The following BROX variants were observed in gnomAD, a reference collection of about 807,000 sequenced individuals.
BROX encodes the protein BRO1 domain and CAAX motif containing, also known as BRO1 domain-containing protein BROX.
BROX carries 53 observed loss-of-function variants against 61.0 expected under a neutral mutation model. That is an observed-to-expected ratio of 0.87 (90% CI 0.70 to 1.09). BROX has a LOEUF of 1.09. Among genes scored for constraint, BROX ranks in the 50% least tolerant of loss-of-function variants. BROX has a pLI of 0.00. For synonymous variants in BROX, 152 were observed against 160.2 expected, an observed-to-expected ratio of 0.95 and a Z score of 0.38; for missense variants, 489 against 472.0, an observed-to-expected ratio of 1.04 and a Z score of -0.33.
At position 222,718,991 on chromosome 1, in the gene BROX, G is replaced by C. The variant is rs767188717; in HGVS notation, c.168G>C (p.Met56Ile). ...LFTDLSCNPE[M>I]MKNAADSYFS... ...CTGATTTGAGCTGTAATCCAGAAATGATGAAGAATGCAGCAGATTCATATT... is the reference window on the plus strand; with the variant it reads ...CTGATTTGAGCTGTAATCCAGAAATCATGAAGAATGCAGCAGATTCATATT... Residue 56 changes from methionine to isoleucine, a missense_variant, in exon 3 of 13, where the codon ATG (methionine) becomes ATC (isoleucine). Transcript: ENST00000340934. 3.7e-6 allele frequency: 6 copies of C among 1,613,820 alleles called. No homozygotes were observed. The East Asian group carries it at 8.9e-5, about 24-fold the overall frequency.
chr1:222,721,322 T>A (rs968107777), intron 4 of BROX, among the ~76,000 whole-genome samples: 2 of 152,030 alleles, frequency 1.3e-5, no homozygotes, highest in African/African-American at 4.8e-5. Flanking sequence ...TTATAATCTA[T>A]ACTAAAGACA....
rs1658057305 is a variant in BROX at position 222,733,057 on chromosome 1, C to CTTTTTT, written c.*348_*349insTTTTTT. On this transcript the variant is annotated 3_prime_UTR_variant, in exon 13 of 13. Coordinates refer to ENST00000340934, the MANE Select transcript of BROX (RefSeq NM_144695.4). Reference sequence around the variant, plus strand: ...GGTTTCAGGTATGTTTTTCTTTTTTCTTTTTCTTTTTTTTTTTTCTTTTTT... The same window carrying CTTTTTT: ...GGTTTCAGGTATGTTTTTCTTTTTTCTTTTTTTTTTTCTTTTTTTTTTTTCTTTTTT... The CTTTTTT allele has an allele frequency of 9.6e-6, 1 of 104,546 alleles. No individual in the cohort carries two copies. 6.5% of individuals were successfully genotyped at this position (104,546 alleles called of 1,614,324 possible).
chr1:222,723,804 G>A (rs1265877940), intron 5 of BROX, among the ~76,000 whole-genome samples: 2 of 152,000 alleles, frequency 1.3e-5, no homozygotes, highest in East Asian at 1.9e-4. Flanking sequence ...TCAGCCTCCC[G>A]AGTAGCTGGG....
chr1:222,733,063 C>CT lies in BROX; in HGVS notation c.*361dup, dbSNP rs796814438. On this transcript the variant is annotated 3_prime_UTR_variant, in exon 13 of 13. Transcript: ENST00000340934. Reference sequence around the variant, plus strand: ...AGGTATGTTTTTCTTTTTTCTTTTTCTTTTTTTTTTTTCTTTTTTTTTTTT... The same window carrying CT: ...AGGTATGTTTTTCTTTTTTCTTTTTCTTTTTTTTTTTTTCTTTTTTTTTTTT... The CT allele has an allele frequency of 2.9e-3, 303 of 104,820 alleles. No homozygotes were observed. Among genetic ancestry groups the CT allele is most frequent in the Middle Eastern group, 5.9e-3 (1 of 170 alleles). The allele number at this position is 104,820 out of a possible 1,614,324, so 6.5% of individuals were successfully genotyped here. A position where few individuals can be genotyped will look rare whatever the true frequency, so the allele number is the denominator to read the frequency against.
rs113003673 is a variant in BROX, at chr1:222,728,178, T to C, written c.671-565T>C. The stretch of plus-strand genomic sequence containing the variant: ...GAGATAGGCTTGCTACATGAAGGAG[T>C]AATAGGCTAACTTAACTTAGCACTT... On this transcript the variant is annotated intron_variant, in intron 8 of 12. Coordinates refer to ENST00000340934, the MANE Select transcript of BROX (RefSeq NM_144695.4). Among the ~76,000 whole-genome samples, 91 of 152,168 alleles carry C rather than the reference T, an allele frequency of 6.0e-4. 1 individual carries two copies. Among genetic ancestry groups the C allele is most frequent in the African/African-American group, 2.1e-3 (86 of 41,508 alleles).
chr1:222,726,368 C>G (rs1175610806), intron 7 of BROX, among the ~76,000 whole-genome samples: 2 of 151,938 alleles, frequency 1.3e-5, no homozygotes, highest in Non-Finnish European at 2.9e-5. Flanking sequence ...GAGTTTGAGA[C>G]CAGCCTGGGC....
At chr1:222,718,628 G>A (rs1656818950) in intron 2 of BROX, among the ~76,000 whole-genome samples, 1 of 151,994 alleles carries the variant, frequency 6.6e-6, no homozygotes, top group African/African-American at 2.4e-5. Context: ...TTTTTATTAT[G>A]TAATTGAATT....
chr1:222,714,205 G>A (rs1431702838), intron 1 of BROX, among the ~76,000 whole-genome samples: 1 of 146,968 alleles, frequency 6.8e-6, no homozygotes, highest in Non-Finnish European at 1.5e-5. Context: ...GACAAGACAT[G>A]CTGCTTTTTT....
In BROX at chr1:222,725,299, TGTTA is replaced by T. The variant is rs1657418699; in HGVS notation, c.475-147_475-144del. The T allele has an allele frequency of 1.1e-5, 6 of 530,826 alleles. No homozygotes were observed. The South Asian group carries it at 1.7e-4, about 15-fold the overall frequency. The allele number at this position is 530,826 out of a possible 1,614,324, so 32.9% of individuals were successfully genotyped here. ...GAACTTTTATTTATAAGCTTACTGT[TGTTA>T]GTTTTTATAGTTTTTGTTTATACTC... On this transcript the variant is annotated intron_variant, in intron 6 of 12. Transcript: ENST00000340934.
chr1:222,713,719 A>G (rs1656276941), intron 1 of BROX: 1 of 152,288 alleles, frequency 6.6e-6, no homozygotes, highest in Non-Finnish European at 1.5e-5. Flanking sequence ...AGGAGGCCGC[A>G]TTAAAAGAAG....
At position 222,732,957 on chromosome 1, in the gene BROX, A is replaced by T; in HGVS notation, c.*243A>T. 2.5e-6 allele frequency: 1 copy of T among 402,560 alleles called. No homozygotes were observed. The allele number at this position is 402,560 out of a possible 1,614,324, so 24.9% of individuals were successfully genotyped here. ...AGATTTTATTGTGCCTCTAAAGGGT[A>T]TATTTGGGGGTTGGGTCTTTTTGTT... On this transcript the variant is annotated 3_prime_UTR_variant, in exon 13 of 13. Coordinates refer to ENST00000340934, the MANE Select transcript of BROX (RefSeq NM_144695.4).
In BROX at chr1:222,712,602, C is replaced by A. The variant is rs1656133148; in HGVS notation, c.-357C>A. ...CCGCCATCGCTATTGCGGCATTCTC[C>A]CTCGGCTCCGGAGGTAGGGGCAACT... On this transcript the variant is annotated 5_prime_UTR_variant, in exon 1 of 13. Coordinates refer to ENST00000340934, the MANE Select transcript of BROX (RefSeq NM_144695.4). The A allele has an allele frequency of 3.4e-5, 46 of 1,349,862 alleles. No homozygotes were observed. The South Asian group carries it at 6.1e-4, about 18-fold the overall frequency. The allele number at this position is 1,349,862 out of a possible 1,614,324, so 83.6% of individuals were successfully genotyped here. A position where few individuals can be genotyped will look rare whatever the true frequency, so the allele number is the denominator to read the frequency against.
chr1:222,727,510 A>G (rs1053569112), intron 8 of BROX, among the ~76,000 whole-genome samples: 50 of 152,274 alleles, frequency 3.3e-4, no homozygotes, highest in African/African-American at 1.1e-3. Context: ...TTTAGTGTTT[A>G]TAACAACCTT....
intron 5 of BROX, among the ~76,000 whole-genome samples, chr1:222,722,882 T>G (rs1253227812): frequency 1.3e-5 from 2 of 152,110 alleles, no homozygotes; most frequent in East Asian, 3.9e-4. Flanking sequence ...CTCTTATAAA[T>G]CAGCAAAGGA....
At chr1:222,727,375 G>C in intron 8 of BROX, 118 bp downstream of exon 8, 2 of 726,488 alleles carry the variant, frequency 2.8e-6, no homozygotes, top group South Asian at 3.2e-5. Flanking sequence ...CAAAACTGGA[G>C]TAATATTTTA....
Position 222,730,035 on chromosome 1 carries a change from A to G in BROX, c.847A>G (p.Lys283Glu), listed in dbSNP as rs1278547502. ...ATCTCTTTCACATGCAGTGTATGCA[A>G]AGGCAGAAGCACTGTGTAAAGAATA... is the stretch of plus-strand genomic sequence containing the variant. ...SLQEAEKLYAKAEALCKEYGE... is the reference protein window; with the variant it reads ...SLQEAEKLYAEAEALCKEYGE... Residue 283 changes from lysine (K) to glutamate (E), a missense_variant, in exon 11 of 13, where the codon AAG becomes GAG. By Grantham distance (56) the Lys-to-Glu change is moderately conservative. Transcript: ENST00000340934. The G allele has an allele frequency of 6.2e-7, 1 of 1,603,772 alleles. No individual in the cohort carries two copies. The highest frequency in any genetic ancestry group is 1.1e-5 in the South Asian group (1 of 88,462).
chr1:222,717,730 T>C (rs1656742313), intron 2 of BROX: 1 of 152,242 alleles, frequency 6.6e-6, no homozygotes, highest in South Asian at 2.1e-4. Flanking sequence ...GATATACCAT[T>C]CAGGATTAAG....
Position 222,722,531 on chromosome 1 carries a change from G to A in BROX, c.401+17G>A. 6.5e-7 allele frequency: 1 copy of A among 1,530,476 alleles called. No homozygotes were observed. The highest frequency in any genetic ancestry group is 2.3e-5 in the East Asian group (1 of 44,392). 94.8% of individuals were successfully genotyped at this position (1,530,476 alleles called of 1,614,324 possible). The stretch of plus-strand genomic sequence containing the variant: ...AAAAGAAAAGTAAGTTAATAGGAGA[G>A]GATTGTGTACATCTGTGTTATTTTT... On this transcript the variant is annotated intron_variant, in intron 5 of 12. Transcript: ENST00000340934.
In BROX at chr1:222,712,914, G is replaced by A. The variant is rs751611429; in HGVS notation, c.-45G>A. 203 of 1,206,632 alleles carry A rather than the reference G, an allele frequency of 1.7e-4. No homozygotes were observed. Among genetic ancestry groups the A allele is most frequent in the Non-Finnish European group, 2.1e-4 (201 of 944,788 alleles). The allele number at this position is 1,206,632 out of a possible 1,614,324, so 74.7% of individuals were successfully genotyped here. ...ATATATTGCCCTTCTTCCCTTAGAA[G>A]AACTGCTGAACCGACTCTGAGAAAT... On this transcript the variant is annotated 5_prime_UTR_variant, in exon 1 of 13. Transcript: ENST00000340934.
Sources: gnomAD v4.1 joint callset for allele counts (sites outside exome capture counted in the v4.1 genomes callset) on GRCh38, gnomAD v4.1.1 for gene constraint, MANE v1.5 for transcripts, NCBI Gene and HGNC (gene_info 2026-07-23, HGNC 2026-07-21) for gene names.